The following CACNA1C variants were observed in gnomAD, a reference collection of about 807,000 sequenced individuals.
The protein encoded by CACNA1C is voltage-dependent L-type calcium channel subunit alpha-1C.
In CACNA1C, 30 loss-of-function variants were observed where a neutral mutation model predicts 229.0. The observed-to-expected ratio is 0.13, with a 90% CI of 0.10 to 0.18. CACNA1C has a LOEUF of 0.18. Among genes scored for constraint, CACNA1C ranks in the 10% least tolerant of loss-of-function variants. The pLI is 1.00. For missense variants in CACNA1C, 1,658 were observed against 2,845.0 expected, an observed-to-expected ratio of 0.58 and a Z score of 9.49; for synonymous variants, 1,114 against 1,132.5, an observed-to-expected ratio of 0.98 and a Z score of 0.33.
At chr12:2,684,054 G>T (rs758290319) in intron 43 of CACNA1C, among the ~76,000 whole-genome samples, 12 of 152,230 alleles carry the variant, frequency 7.9e-5, no homozygotes, top group Non-Finnish European at 1.3e-4. Flanking sequence ...GGCTGGAGGT[G>T]GTGGGAGGGG....
intron 3 of CACNA1C, among the ~76,000 whole-genome samples, chr12:2,218,706 C>G (rs148766246): frequency 6.6e-6 from 1 of 152,310 alleles, no homozygotes; most frequent in East Asian, 1.9e-4. Flanking sequence ...GTCCGGGCTA[C>G]TGTAATACGT....
chr12:1,972,981 G>A (rs192647539), intron 1 of CACNA1C, among the ~76,000 whole-genome samples: 169 of 152,332 alleles, frequency 1.1e-3, no homozygotes, highest in African/African-American at 3.6e-3. Flanking sequence ...CACAGGCTGC[G>A]TTTGGCCGGC....
chr12:2,323,335 C>T (rs1363911358), intron 3 of CACNA1C, among the ~76,000 whole-genome samples: 3 of 152,206 alleles, frequency 2.0e-5, no homozygotes, highest in Non-Finnish European at 4.4e-5. Flanking sequence ...AGGGGCTCTG[C>T]TCCCCCTGGA....
At chr12:2,017,023 C>T (rs1334998787) in intron 1 of CACNA1C, among the ~76,000 whole-genome samples, 1 of 152,118 alleles carries the variant, frequency 6.6e-6, no homozygotes, top group Non-Finnish European at 1.5e-5. Context: ...TCTGGGACCA[C>T]GTTTGGACTT....
rs770183452 is a variant in CACNA1C, at chr12:2,115,306, C to T, written c.132C>T (p.Pro44=). The change falls in exon 2 of 47, where the codon CCC becomes CCT. Residue 44 remains proline (P), a synonymous_variant. Transcript: ENST00000399655. ...AAAGLAPEHI[P]TPGAALSWQA... is the part of the protein sequence containing the mutation. ...CGGGGCTGGCCCCTGAGCACATCCC[C>T]ACCCCGGGGGCTGCCCTGTCGTGGC... is the stretch of plus-strand genomic sequence containing the variant. The T allele has an allele frequency of 5.0e-6, 8 of 1,593,996 alleles. No individual in the cohort carries two copies. The East Asian group carries it at 1.1e-4, about 23-fold the overall frequency.
rs1476327478 is a variant in CACNA1C, at chr12:2,677,027, AT to A, written c.4829-66del. 2 of 1,381,100 alleles carry A rather than the reference AT, an allele frequency of 1.4e-6. No individual in the cohort carries two copies. Among genetic ancestry groups the A allele is most frequent in the Admixed American group, 3.9e-5 (2 of 50,822 alleles). The allele number at this position is 1,381,100 out of a possible 1,614,324, so 85.6% of individuals were successfully genotyped here. ...AAAGTTTTGGATGCTGAAAAAAAAA[AT>A]GAATGAAGTTCAACTGAATTCCCCT... On this transcript the variant is annotated intron_variant, in intron 39 of 46. Transcript: ENST00000399655. This position sits in a 1 kb window ranked among gnomAD's most constrained non-coding sequence, Gnocchi z 7.4.
At position 2,653,702 on chromosome 12, in the gene CACNA1C, C is replaced by G; in HGVS notation, c.4075-133C>G. 2.8e-6 allele frequency: 2 copies of G among 725,168 alleles called. No homozygotes were observed. Among genetic ancestry groups the G allele is most frequent in the Admixed American group, 2.1e-5 (1 of 48,554 alleles). 44.9% of individuals were successfully genotyped at this position (725,168 alleles called of 1,614,324 possible). ...AGGTTCCCCGTAGTCCTGTGGGACT[C>G]TTGGAAGTGTCCCCCGGCCCAAACC... On this transcript the variant is annotated intron_variant, in intron 32 of 46. Transcript: ENST00000399655. This position sits in a 1 kb window ranked among gnomAD's most constrained non-coding sequence, Gnocchi z 4.7.
At chr12:2,561,887 CA>C (rs1168317038) in intron 11 of CACNA1C, among the ~76,000 whole-genome samples, 1 of 152,184 alleles carries the variant, frequency 6.6e-6, no homozygotes. Context: ...CCTATTTTAT[CA>C]TTTAATTTCT....
chr12:2,357,219 G>A (rs2239055), intron 3 of CACNA1C, among the ~76,000 whole-genome samples: 6,456 of 152,196 alleles, frequency 0.042, 192 homozygotes, highest in East Asian at 0.13. Flanking sequence ...CCAGCTGCAC[G>A]CCCTGGTTTC....
intron 3 of CACNA1C, among the ~76,000 whole-genome samples, chr12:2,440,523 C>T (rs1033380410): frequency 9.2e-5 from 14 of 152,190 alleles, no homozygotes; most frequent in Admixed American, 7.9e-4. Flanking sequence ...GGCTGAATCT[C>T]AGGCATAGGT....
At chr12:2,446,286 G>C (rs1018273677) in intron 3 of CACNA1C, among the ~76,000 whole-genome samples, 1 of 150,230 alleles carries the variant, frequency 6.7e-6, no homozygotes, top group African/African-American at 2.5e-5. Flanking sequence ...TGGGTGGATG[G>C]ATGGATGGGT....
intron 9 of CACNA1C, among the ~76,000 whole-genome samples, chr12:2,513,573 C>T (rs2154579780): frequency 6.6e-6 from 1 of 152,304 alleles, no homozygotes; most frequent in East Asian, 1.9e-4. Context: ...GAGCCAATTC[C>T]CTTCCTTGGG....
intron 9 of CACNA1C, chr12:2,547,559 G>A (rs780446782): frequency 3.0e-5 from 23 of 777,912 alleles, no homozygotes; most frequent in Non-Finnish European, 4.6e-5. Context: ...GTGTAAATGC[G>A]TGTGGGTGCA....
intron 3 of CACNA1C, chr12:2,217,855 T>G (rs2060376074): frequency 6.6e-6 from 1 of 152,224 alleles, no homozygotes; most frequent in African/African-American, 2.4e-5. Context: ...CAGACTTGTT[T>G]GGGAAGTTAA....
intron 3 of CACNA1C, among the ~76,000 whole-genome samples, chr12:2,267,376 ATC>A: frequency 6.6e-6 from 1 of 152,142 alleles, no homozygotes; most frequent in African/African-American, 2.4e-5. Flanking sequence ...TGTGCCCTAG[ATC>A]ACTCAACTAG....
chr12:2,651,570 G>A lies in CACNA1C; in HGVS notation c.3946-70G>A, dbSNP rs930306573. 1.3e-5 allele frequency: 21 copies of A among 1,612,600 alleles called. 1 individual carries two copies. Among genetic ancestry groups the A allele is most frequent in the Admixed American group, 1.0e-4 (6 of 59,994 alleles). ...ACTGCCACTGAGGTCTGTATTTCTC[G>A]GAGGGGCCCTCCTGTTCTCACCCCC... On this transcript the variant is annotated intron_variant, in intron 31 of 46. Transcript: ENST00000399655. This position sits in a 1 kb window ranked among gnomAD's most constrained non-coding sequence, Gnocchi z 5.4.
intron 3 of CACNA1C, among the ~76,000 whole-genome samples, chr12:2,404,751 A>G (rs1366493764): frequency 1.3e-5 from 2 of 152,154 alleles, no homozygotes; most frequent in African/African-American, 4.8e-5. Flanking sequence ...GAAGAAACCA[A>G]GCAGTGGAGG....
chr12:2,500,288 G>A (rs2099756423), intron 7 of CACNA1C, among the ~76,000 whole-genome samples: 1 of 152,176 alleles, frequency 6.6e-6, no homozygotes, highest in Admixed American at 6.5e-5. Flanking sequence ...CTTGAGGTCT[G>A]TAGCTCCCCC....
At position 2,512,776 on chromosome 12, in the gene CACNA1C, G is replaced by A. The variant is rs759275747; in HGVS notation, c.1218-36G>A. ...TTCTCGGTGCTCCCTCCTTCTCTGTGCTCTCCTGCCCTGCCCCTCCTCTCA... is the reference window on the plus strand; with the variant it reads ...TTCTCGGTGCTCCCTCCTTCTCTGTACTCTCCTGCCCTGCCCCTCCTCTCA... On this transcript the variant is annotated intron_variant, in intron 8 of 46. Coordinates refer to ENST00000399655, the MANE Select transcript of CACNA1C (RefSeq NM_000719.7). The surrounding 1 kb of genome is among the most constrained non-coding windows in gnomAD (Gnocchi z 4.3). The A allele has an allele frequency of 1.4e-5, 21 of 1,536,146 alleles. No individual in the cohort carries two copies. The highest frequency in any genetic ancestry group is 1.8e-5 in the Non-Finnish European group (20 of 1,131,530).
Sources: gnomAD v4.1 joint callset for allele counts (sites outside exome capture counted in the v4.1 genomes callset) on GRCh38, gnomAD v4.1.1 for gene constraint, Gnocchi (gnomAD v3.1) non-coding constraint, MANE v1.5 for transcripts, NCBI Gene and HGNC (gene_info 2026-07-23, HGNC 2026-07-21) for gene names.